The following ZNF727 variants were observed in gnomAD, a reference collection of about 807,000 sequenced individuals.
ZNF727 encodes putative zinc finger protein 727.
ZNF727 carries 11 observed loss-of-function variants against 11.5 expected under a neutral mutation model. The observed-to-expected ratio is 0.95, with a 90% CI of 0.60 to 1.58. ZNF727 has a LOEUF of 1.58. Ranked by LOEUF, ZNF727 falls within the 40% of genes most tolerant of loss-of-function variation. ZNF727 has a pLI of 0.00. For missense variants in ZNF727, 533 were observed against 581.7 expected (o/e 0.92, Z 0.86); for synonymous variants, 171 against 196.1 (o/e 0.87, Z 1.07).
At chr7:64,063,045 C>G (rs1446410981) in intron 1 of ZNF727, among the ~76,000 whole-genome samples, 2 of 151,486 alleles carry the variant, frequency 1.3e-5, no homozygotes, top group African/African-American at 4.8e-5. Flanking sequence ...TTTTGCTGAG[C>G]TTTTTCAAAA....
rs994152862 is a variant in ZNF727, at chr7:64,081,003, A to G, written c.*2454A>G. 6.7e-5 allele frequency among the ~76,000 whole-genome samples: 10 copies of G among 149,628 alleles called. No homozygotes were observed. Among genetic ancestry groups the G allele is most frequent in the Non-Finnish European group, 1.2e-4 (8 of 67,606 alleles). ...AGTCTGCATACTCTAACTCTGGGGG[A>G]GTTGTATTGAGCCCCAACTGTGTTC... On this transcript the variant is annotated 3_prime_UTR_variant, in exon 4 of 4. Coordinates refer to ENST00000456806, the MANE Select transcript of ZNF727 (RefSeq NM_001159522.3).
At position 64,083,703 on chromosome 7, in the gene ZNF727, T is replaced by A; in HGVS notation, c.*5154T>A. Among the ~76,000 whole-genome samples, 1 of 152,198 alleles carries A rather than the reference T, an allele frequency of 6.6e-6. No individual in the cohort carries two copies. Among genetic ancestry groups the A allele is most frequent in the East Asian group, 1.9e-4 (1 of 5,196 alleles). On this transcript the variant is annotated 3_prime_UTR_variant, in exon 4 of 4. Coordinates refer to ENST00000456806, the MANE Select transcript of ZNF727 (RefSeq NM_001159522.3). ...AATCATGGGTTTCTAGGGTCACACA[T>A]GCACTCACTGCTTTACTGGGTGGGG...
Position 64,057,368 on chromosome 7 carries a change from A to G in ZNF727, c.4-11523A>G, listed in dbSNP as rs116175201. ...TGGTACATATGTACCATGGAATACC[A>G]TGCAGCCGTAAGAAGGAAAAGGATC... is the stretch of plus-strand genomic sequence containing the variant. On this transcript the variant is annotated intron_variant, in intron 1 of 3. Transcript: ENST00000456806. 3.9e-3 allele frequency among the ~76,000 whole-genome samples: 591 copies of G among 152,328 alleles called. 7 individuals carry two copies. Among genetic ancestry groups the G allele is most frequent in the African/African-American group, 0.014 (563 of 41,546 alleles).
At chr7:64,057,615 A>T (rs1789706067) in intron 1 of ZNF727, among the ~76,000 whole-genome samples, 1 of 152,144 alleles carries the variant, frequency 6.6e-6, no homozygotes, top group South Asian at 2.1e-4. Flanking sequence ...TACCTGGGTG[A>T]TGGGTTGATC....
chr7:64,066,009 C>T (rs879389178), intron 1 of ZNF727, among the ~76,000 whole-genome samples: 4 of 152,080 alleles, frequency 2.6e-5, no homozygotes, highest in Non-Finnish European at 5.9e-5. Flanking sequence ...TGTTTAGCTT[C>T]CATTAAATCT....
chr7:64,067,203 C>T (rs1220305527), intron 1 of ZNF727, among the ~76,000 whole-genome samples: 1 of 152,094 alleles, frequency 6.6e-6, no homozygotes, highest in East Asian at 1.9e-4. Flanking sequence ...GAGATAGTAT[C>T]TCATGTCAGT....
In ZNF727 at chr7:64,050,790, G is replaced by A. The variant is rs865959403; in HGVS notation, c.3+5166G>A. 3.0e-3 allele frequency among the ~76,000 whole-genome samples: 452 copies of A among 151,436 alleles called. 5 individuals carry two copies. Among genetic ancestry groups the A allele is most frequent in the Non-Finnish European group, 3.1e-3 (213 of 67,914 alleles). ...TATGCATATGTATGTGTGTGTGTGT[G>A]TGTGTGTGTGTGTGTGTGTGTGTAT... is the stretch of plus-strand genomic sequence containing the variant. On this transcript the variant is annotated intron_variant, in intron 1 of 3. Transcript: ENST00000456806.
rs1279869138 is a variant in ZNF727, at chr7:64,084,994, CCTGA to C, written c.*6448_*6451del. Among the ~76,000 whole-genome samples, 1 of 149,440 alleles carries C rather than the reference CCTGA, an allele frequency of 6.7e-6. No individual in the cohort carries two copies. Among genetic ancestry groups the C allele is most frequent in the Non-Finnish European group, 1.5e-5 (1 of 67,412 alleles). On this transcript the variant is annotated 3_prime_UTR_variant, in exon 4 of 4. Coordinates refer to ENST00000456806, the MANE Select transcript of ZNF727 (RefSeq NM_001159522.3). ...TTCATTTATCTGAAATGTTATTGCT[CCTGA>C]CTTAGAATCATCTTTTGCAAATTCT...
At chr7:64,072,454 TACTG>T (rs1302008452) in intron 3 of ZNF727, among the ~76,000 whole-genome samples, 3 of 152,140 alleles carry the variant, frequency 2.0e-5, no homozygotes, top group Admixed American at 6.6e-5. Flanking sequence ...GTGTGTTTCT[TACTG>T]AGTATGTGGC....
chr7:64,060,807 T>TG (rs1490214147), intron 1 of ZNF727, among the ~76,000 whole-genome samples: 1 of 152,058 alleles, frequency 6.6e-6, no homozygotes, highest in African/African-American at 2.4e-5. Context: ...TTTTTTAAAC[T>TG]TTTTTTGATG....
At chr7:64,071,679 A>C (rs529152833) in intron 3 of ZNF727, among the ~76,000 whole-genome samples, 1 of 152,088 alleles carries the variant, frequency 6.6e-6, no homozygotes, top group Non-Finnish European at 1.5e-5. Flanking sequence ...AACCAATATT[A>C]AGGTTTTAAA....
At chr7:64,051,416 A>G (rs892907202) in intron 1 of ZNF727, among the ~76,000 whole-genome samples, 5 of 152,220 alleles carry the variant, frequency 3.3e-5, no homozygotes, top group African/African-American at 4.8e-5. Flanking sequence ...CCATCTGCCC[A>G]CAAAGGCCAG....
chr7:64,070,681 C>T (rs931988816), intron 3 of ZNF727, among the ~76,000 whole-genome samples: 7 of 152,048 alleles, frequency 4.6e-5, no homozygotes, highest in African/African-American at 1.4e-4. Context: ...GCATACCTAA[C>T]AGTATTACTT....
chr7:64,045,712 G>T, intron 1 of ZNF727, 88 bp downstream of exon 1: 1 of 1,524,170 alleles, frequency 6.6e-7, no homozygotes, highest in Non-Finnish European at 8.9e-7. Context: ...TTGGCCTCGC[G>T]GTCAGCTCTG....
At chr7:64,076,386 G>A (rs1010621214) in intron 3 of ZNF727, among the ~76,000 whole-genome samples, 14 of 152,062 alleles carry the variant, frequency 9.2e-5, no homozygotes, top group East Asian at 3.8e-4. Context: ...CCAGGCGGGC[G>A]GATCACCCAA....
At chr7:64,072,867 G>T (rs888410336) in intron 3 of ZNF727, among the ~76,000 whole-genome samples, 6 of 151,922 alleles carry the variant, frequency 3.9e-5, no homozygotes, top group Admixed American at 2.6e-4. Context: ...ACAAAATTAT[G>T]ATAAAAGTCT....
intron 1 of ZNF727, 145 bp downstream of exon 1, chr7:64,045,769 C>G (rs117963191): frequency 9.3e-7 from 1 of 1,077,068 alleles, no homozygotes; most frequent in Non-Finnish European, 1.3e-6. Flanking sequence ...TCACTTCCCT[C>G]CGTCGCAGAT....
intron 3 of ZNF727, among the ~76,000 whole-genome samples, chr7:64,072,049 G>A (rs1012967902): frequency 6.6e-6 from 1 of 152,020 alleles, no homozygotes; most frequent in Non-Finnish European, 1.5e-5. Flanking sequence ...TCTCAAAACT[G>A]CTTTGGCTAT....
intron 3 of ZNF727, among the ~76,000 whole-genome samples, chr7:64,076,023 A>G (rs975087412): frequency 1.1e-4 from 9 of 85,552 alleles, no homozygotes; most frequent in African/African-American, 2.8e-4. Context: ...TTTTTTTGTT[A>G]AATTTTGTTT....
Sources: allele counts gnomAD v4.1 joint callset (sites outside exome capture counted in the v4.1 genomes callset), GRCh38; gene constraint gnomAD v4.1.1; transcripts MANE v1.5; gene names NCBI Gene and HGNC (gene_info 2026-07-23, HGNC 2026-07-21).